OR2Z1: variants seen among roughly 807,000 people sequenced by gnomAD.
The protein encoded by OR2Z1 is olfactory receptor 2Z1.
For missense variants in OR2Z1, 449 were observed against 401.8 expected, an observed-to-expected ratio of 1.12 and a Z score of -1.00; for synonymous variants, 188 against 160.6, an observed-to-expected ratio of 1.17 and a Z score of -1.29.
intron 2 of OR2Z1, among the ~76,000 whole-genome samples, chr19:8,725,963 CACTT>C (rs1300537045): frequency 7.4e-6 from 1 of 134,444 alleles, no homozygotes; most frequent in Non-Finnish European, 1.8e-5. Flanking sequence ...AGGTGCTACA[CACTT>C]TTTTTTGGTG....
chr19:8,728,260 G>C (rs1460317060), intron 2 of OR2Z1, among the ~76,000 whole-genome samples: 4 of 152,234 alleles, frequency 2.6e-5, no homozygotes, highest in African/African-American at 9.6e-5. Context: ...AAGAGAGGAA[G>C]TATTCCTGAT....
chr19:8,728,316 CCTCATTCA>C (rs1264598892), intron 2 of OR2Z1, among the ~76,000 whole-genome samples: 1 of 152,196 alleles, frequency 6.6e-6, no homozygotes, highest in Non-Finnish European at 1.5e-5. Flanking sequence ...TTCTTGTTCA[CCTCATTCA>C]CTCAGGCAAT....
chr19:8,729,145 C>T (rs538501539), intron 2 of OR2Z1: 9 of 1,250,482 alleles, frequency 7.2e-6, no homozygotes, highest in African/African-American at 1.5e-5. Flanking sequence ...CCTTTAAAGC[C>T]TTCACTTTGG....
At chr19:8,729,241 T>G (rs1178651027) in intron 2 of OR2Z1, 3 of 629,004 alleles carry the variant, frequency 4.8e-6, no homozygotes, top group African/African-American at 3.7e-5. Flanking sequence ...TTTTTAACCC[T>G]TGCTTCCCTC....
At chr19:8,723,644 G>A (rs1005501419) in intron 2 of OR2Z1, among the ~76,000 whole-genome samples, 2 of 151,680 alleles carry the variant, frequency 1.3e-5, no homozygotes, top group African/African-American at 4.8e-5. Context: ...CCAGATAAGG[G>A]TCTGTGAAAA....
chr19:8,727,016 C>A (rs1336703800), intron 2 of OR2Z1, among the ~76,000 whole-genome samples: 1 of 152,072 alleles, frequency 6.6e-6, no homozygotes, highest in African/African-American at 2.4e-5. Context: ...ATGGGGTGAT[C>A]ATGCAGCCTC....
rs201762699 is a variant in OR2Z1 at position 8,732,023 on chromosome 19, C to T, written c.*50C>T. On this transcript the variant is annotated 3_prime_UTR_variant, in exon 3 of 3. Coordinates refer to ENST00000641125, the MANE Select transcript of OR2Z1 (RefSeq NM_001004699.3). The stretch of plus-strand genomic sequence containing the variant: ...TCCAGCGGTCCTCGATCCCACCCAC[C>T]TTCCCAAAGTATGCATTTGGCATTC... The T allele has an allele frequency of 7.1e-7, 1 of 1,416,336 alleles. No homozygotes were observed. The highest frequency in any genetic ancestry group is 9.7e-7 in the Non-Finnish European group (1 of 1,028,338). 87.7% of individuals were successfully genotyped at this position (1,416,336 alleles called of 1,614,324 possible).
At position 8,731,801 on chromosome 19, in the gene OR2Z1, T is replaced by C. The variant is rs781899846; in HGVS notation, c.773T>C (p.Met258Thr). The change falls in exon 3 of 3, where the codon ATG (methionine) becomes ACG (threonine). Residue 258 changes from methionine to threonine, a missense_variant. Coordinates refer to ENST00000641125, the MANE Select transcript of OR2Z1 (RefSeq NM_001004699.3). ...VGLFYGAAVF[M>T]YMVPCAYHSP... ...CTCTTTTATGGTGCCGCCGTGTTCA[T>C]GTACATGGTGCCTTGCGCCTACCAC... 6 of 1,614,116 alleles carry C rather than the reference T, an allele frequency of 3.7e-6. No individual in the cohort carries two copies. The Admixed American group carries it at 5.0e-5, about 13-fold the overall frequency.
In OR2Z1 at chr19:8,731,600, ATACCTGTGCC is replaced by A. The variant is rs782682057; in HGVS notation, c.576_585del (p.Cys193ArgfsTer10). On this transcript the variant is annotated frameshift_variant, in exon 3 of 3. Transcript: ENST00000641125. LOFTEE classifies it low-confidence loss of function (END_TRUNC). ...GCCCTACTGAAGCTCTCCTGTGCAGATACCTGTGCCTACGAGATGGCGCTGTCCACCTCAG... is the reference window on the plus strand; with the variant it reads ...GCCCTACTGAAGCTCTCCTGTGCAGATACGAGATGGCGCTGTCCACCTCAG... 22 of 1,613,110 alleles carry A rather than the reference ATACCTGTGCC, an allele frequency of 1.4e-5. No individual in the cohort carries two copies. The South Asian group carries it at 2.0e-4, about 14-fold the overall frequency.
chr19:8,722,468 A>C (rs1031656848), intron 1 of OR2Z1, among the ~76,000 whole-genome samples: 3 of 152,058 alleles, frequency 2.0e-5, no homozygotes, highest in Non-Finnish European at 4.4e-5. Flanking sequence ...CAAAGGGACC[A>C]CTCTAGACCC....
chr19:8,727,267 A>G (rs1291055541), intron 2 of OR2Z1, among the ~76,000 whole-genome samples: 1 of 152,128 alleles, frequency 6.6e-6, no homozygotes, highest in Non-Finnish European at 1.5e-5. Context: ...TAGTAATGCC[A>G]TGAAGCAGCC....
intron 2 of OR2Z1, among the ~76,000 whole-genome samples, chr19:8,725,551 A>G (rs2043323954): frequency 6.6e-6 from 1 of 152,102 alleles, no homozygotes; most frequent in South Asian, 2.1e-4. Flanking sequence ...CCAAACTCCC[A>G]TACATCTTTG....
At chr19:8,726,034 C>T (rs991387433) in intron 2 of OR2Z1, among the ~76,000 whole-genome samples, 3 of 152,030 alleles carry the variant, frequency 2.0e-5, no homozygotes, top group Non-Finnish European at 2.9e-5. Context: ...GGCACGGTCT[C>T]GGCTCACTGC....
At chr19:8,729,042 C>T (rs1599209152) in intron 2 of OR2Z1, 7 of 1,069,926 alleles carry the variant, frequency 6.5e-6, no homozygotes, top group Admixed American at 3.5e-5. Context: ...GGGCTGCCTC[C>T]GGAGTCACAG....
chr19:8,731,094 A>G lies in OR2Z1; in HGVS notation c.66A>G (p.Gly22=). ...FILVGLFSHS[G]SRQLLFSLVA... ...TGGTGGGCCTCTTCAGTCACTCAGGATCACGCCAGCTCCTCTTCTCCCTGG... is the reference window on the plus strand; with the variant it reads ...TGGTGGGCCTCTTCAGTCACTCAGGGTCACGCCAGCTCCTCTTCTCCCTGG... The change falls in exon 3 of 3, where the codon GGA becomes GGG. Residue 22 remains glycine (G), a synonymous_variant. Coordinates refer to ENST00000641125, the MANE Select transcript of OR2Z1 (RefSeq NM_001004699.3). The G allele has an allele frequency of 6.2e-7, 1 of 1,614,046 alleles. No individual in the cohort carries two copies. Among genetic ancestry groups the G allele is most frequent in the Non-Finnish European group, 8.5e-7 (1 of 1,180,008 alleles).
At chr19:8,728,194 G>C (rs1490545437) in intron 2 of OR2Z1, among the ~76,000 whole-genome samples, 1 of 152,188 alleles carries the variant, frequency 6.6e-6, no homozygotes, top group African/African-American at 2.4e-5. Flanking sequence ...GGAGTTGTGG[G>C]CACTGCATGG....
rs1454425309 is a variant in OR2Z1 at position 8,731,679 on chromosome 19, C to G, written c.651C>G (p.Ser217=). The G allele has an allele frequency of 6.2e-7, 1 of 1,614,076 alleles. No individual in the cohort carries two copies. Among genetic ancestry groups the G allele is most frequent in the Non-Finnish European group, 8.5e-7 (1 of 1,180,032 alleles). ...LMLPLSLIAT[S]YGHVLQAVLS... is the part of the protein sequence containing the mutation. ...TCCCTCTTTCCCTCATCGCCACCTC[C>G]TACGGCCACGTGTTGCAGGCTGTTC... The change falls in exon 3 of 3, where the codon TCC becomes TCG. Residue 217 remains serine, a synonymous_variant. Coordinates refer to ENST00000641125, the MANE Select transcript of OR2Z1 (RefSeq NM_001004699.3).
At chr19:8,727,312 C>G (rs907795135) in intron 2 of OR2Z1, among the ~76,000 whole-genome samples, 30 of 152,184 alleles carry the variant, frequency 2.0e-4, no homozygotes, top group Admixed American at 1.1e-3. Flanking sequence ...CTGAGAGACA[C>G]TCTTCCTCAG....
chr19:8,729,773 A>G (rs533414174), intron 2 of OR2Z1, among the ~76,000 whole-genome samples: 46 of 152,148 alleles, frequency 3.0e-4, no homozygotes, highest in Middle Eastern at 3.4e-3. Flanking sequence ...TATTTTTAGT[A>G]GAGATGGGGT....
Sources: gnomAD v4.1 joint callset for allele counts (sites outside exome capture counted in the v4.1 genomes callset) on GRCh38, gnomAD v4.1.1 for gene constraint, MANE v1.5 for transcripts, NCBI Gene and HGNC (gene_info 2026-07-23, HGNC 2026-07-21) for gene names.